BMP6: variants seen among roughly 807,000 people sequenced by gnomAD.
BMP6 encodes VG-1-R.
Under a neutral mutation model 54.1 loss-of-function variants are expected in BMP6, and 17 were observed. The observed-to-expected ratio is 0.31, with a 90% CI of 0.22 to 0.47. The LOEUF (loss-of-function observed/expected upper bound fraction) is 0.47. Among genes scored for constraint, BMP6 ranks in the 20% least tolerant of loss-of-function variants. BMP6 has a pLI of 1.00. For synonymous variants in BMP6, 328 were observed against 291.2 expected, an observed-to-expected ratio of 1.13 and a Z score of -1.28; for missense variants, 720 against 690.4, an observed-to-expected ratio of 1.04 and a Z score of -0.48.
At chr6:7,824,397 T>C (rs952517518) in intron 1 of BMP6, among the ~76,000 whole-genome samples, 1 of 152,202 alleles carries the variant, frequency 6.6e-6, no homozygotes, top group African/African-American at 2.4e-5. Context: ...AAGAAGGGAC[T>C]CTGTCTCTGT....
chr6:7,749,534 T>G (rs1299296225), intron 1 of BMP6, among the ~76,000 whole-genome samples: 1 of 152,220 alleles, frequency 6.6e-6, no homozygotes, highest in Non-Finnish European at 1.5e-5. Context: ...TAATAAATGG[T>G]CAAAGGAACT....
At position 7,862,502 on chromosome 6, in the gene BMP6, G is replaced by T. The variant is rs931501097; in HGVS notation, c.1204+4G>T. ...GCGCGGGTCTCCAGTGCTTCAGGTG[G>T]GTTTGTGGGGAGCCTGTGTTTCCAG... On this transcript the variant is annotated splice_donor_region_variant and intron_variant, in intron 4 of 6. Coordinates refer to ENST00000283147, the MANE Select transcript of BMP6 (RefSeq NM_001718.6). The T allele has an allele frequency of 6.2e-7, 1 of 1,613,516 alleles. No homozygotes were observed. The highest frequency in any genetic ancestry group is 1.3e-5 in the African/African-American group (1 of 74,922).
At chr6:7,856,524 A>T (rs4960365) in intron 2 of BMP6, among the ~76,000 whole-genome samples, 1 of 151,708 alleles carries the variant, frequency 6.6e-6, no homozygotes, top group Admixed American at 6.6e-5. Flanking sequence ...GAACAAGACC[A>T]CAGAATCACC....
chr6:7,742,278 G>C (rs1757278002), intron 1 of BMP6, among the ~76,000 whole-genome samples: 1 of 152,196 alleles, frequency 6.6e-6, no homozygotes, highest in Admixed American at 6.5e-5. Flanking sequence ...TAATAAGTAT[G>C]AATACAAGTC....
At chr6:7,761,351 T>A (rs1445629154) in intron 1 of BMP6, among the ~76,000 whole-genome samples, 1 of 152,226 alleles carries the variant, frequency 6.6e-6, no homozygotes, top group Non-Finnish European at 1.5e-5. Flanking sequence ...CAGTAGAGTG[T>A]TCCAGCAGAA....
chr6:7,733,530 T>C (rs1486017702), intron 1 of BMP6, among the ~76,000 whole-genome samples: 1 of 152,002 alleles, frequency 6.6e-6, no homozygotes, highest in Non-Finnish European at 1.5e-5. Flanking sequence ...GGCCACAGCA[T>C]AACCCAGCCA....
At chr6:7,869,104 G>A (rs534057680) in intron 4 of BMP6, among the ~76,000 whole-genome samples, 234 of 152,292 alleles carry the variant, frequency 1.5e-3, no homozygotes, top group Non-Finnish European at 2.8e-3. Flanking sequence ...TTGCTGCAGC[G>A]CCCTAGCCCC....
intron 1 of BMP6, among the ~76,000 whole-genome samples, chr6:7,800,970 A>G (rs905677946): frequency 3.3e-5 from 5 of 151,848 alleles, no homozygotes; most frequent in African/African-American, 1.2e-4. Context: ...CAGTGCCACC[A>G]TGTGTACTTC....
At chr6:7,831,617 T>C (rs1184259075) in intron 1 of BMP6, among the ~76,000 whole-genome samples, 1 of 152,238 alleles carries the variant, frequency 6.6e-6, no homozygotes, top group African/African-American at 2.4e-5. Context: ...AGTAGATTAA[T>C]TTCCTTCCTT....
Position 7,845,202 on chromosome 6 carries a change from T to A in BMP6, c.727T>A (p.Ser243Thr). The part of the protein sequence containing the change: ...RHHKEFKFNL[S>T]QIPEGEVVTA... ...CCACAAAGAGTTCAAGTTCAACTTATCCCAGATTCCTGAGGGTGAGGTGGT... is the reference window on the plus strand; with the variant it reads ...CCACAAAGAGTTCAAGTTCAACTTAACCCAGATTCCTGAGGGTGAGGTGGT... The change falls in exon 2 of 7, where the codon TCC becomes ACC. Residue 243 changes from serine to threonine, a missense_variant. This residue lies in a region of BMP6 where 650 missense variants were observed against 556.3 expected (regional missense o/e 1.17). Coordinates refer to ENST00000283147, the MANE Select transcript of BMP6 (RefSeq NM_001718.6). 6.2e-7 allele frequency: 1 copy of A among 1,614,206 alleles called. No individual in the cohort carries two copies. The highest frequency in any genetic ancestry group is 1.3e-5 in the African/African-American group (1 of 75,072).
intron 2 of BMP6, among the ~76,000 whole-genome samples, chr6:7,852,218 A>T (rs1759153665): frequency 1.3e-5 from 2 of 152,196 alleles, no homozygotes; most frequent in African/African-American, 4.8e-5. Context: ...GGGTTTAAGG[A>T]TGTATTAAGG....
chr6:7,775,641 T>C (rs1266990784), intron 1 of BMP6, among the ~76,000 whole-genome samples: 1 of 152,246 alleles, frequency 6.6e-6, no homozygotes, highest in Non-Finnish European at 1.5e-5. Flanking sequence ...ACCGGGTTCA[T>C]GTCCCCAGTT....
At chr6:7,837,881 T>C (rs573996698) in intron 1 of BMP6, among the ~76,000 whole-genome samples, 3 of 152,088 alleles carry the variant, frequency 2.0e-5, no homozygotes, top group African/African-American at 7.2e-5. Context: ...TAAAAAGAAA[T>C]AGGTTCAATA....
In BMP6 at chr6:7,880,583, C is replaced by G. The variant is rs1480637289; in HGVS notation, c.*240C>G. Reference sequence around the variant, plus strand: ...AGTTTGGATGTCTGTAGCATAAGGTCTGGTAACTGCAGAAACATAACCGTG... The same window carrying G: ...AGTTTGGATGTCTGTAGCATAAGGTGTGGTAACTGCAGAAACATAACCGTG... On this transcript the variant is annotated 3_prime_UTR_variant, in exon 7 of 7. Coordinates refer to ENST00000283147, the MANE Select transcript of BMP6 (RefSeq NM_001718.6). 1 of 552,716 alleles carries G rather than the reference C, an allele frequency of 1.8e-6. No homozygotes were observed. The highest frequency in any genetic ancestry group is 1.9e-5 in the African/African-American group (1 of 53,128). 34.2% of individuals were successfully genotyped at this position (552,716 alleles called of 1,614,324 possible).
chr6:7,861,215 T>G (rs1320389450), intron 2 of BMP6, among the ~76,000 whole-genome samples: 3 of 151,974 alleles, frequency 2.0e-5, no homozygotes, highest in African/African-American at 7.3e-5. Flanking sequence ...CGTGTCGGGG[T>G]GAAAGCTGAT....
At position 7,748,675 on chromosome 6, in the gene BMP6, G is replaced by T. The variant is rs114698068; in HGVS notation, c.664+21056G>T. Among the ~76,000 whole-genome samples, 1,515 of 152,282 alleles carry T rather than the reference G, an allele frequency of 9.9e-3. 21 individuals carry two copies. The highest frequency in any genetic ancestry group is 0.035 in the African/African-American group (1,445 of 41,562). ...TTCCTACAGTCAGCTTCTGACTGGG[G>T]CGGAGATGTTTCCCATTATTAAGCT... On this transcript the variant is annotated intron_variant, in intron 1 of 6. Coordinates refer to ENST00000283147, the MANE Select transcript of BMP6 (RefSeq NM_001718.6).
chr6:7,822,998 C>T (rs1217493114), intron 1 of BMP6, among the ~76,000 whole-genome samples: 3 of 150,386 alleles, frequency 2.0e-5, no homozygotes, highest in East Asian at 2.0e-4. Flanking sequence ...CCGAAGTTTC[C>T]GAATATAGAA....
chr6:7,879,474 A>C (rs1303932288), intron 5 of BMP6, among the ~76,000 whole-genome samples: 1 of 152,178 alleles, frequency 6.6e-6, no homozygotes, highest in Non-Finnish European at 1.5e-5. Context: ...CATTTAAACA[A>C]ATTTTAATTG....
intron 1 of BMP6, among the ~76,000 whole-genome samples, chr6:7,787,399 G>A (rs777435576): frequency 3.3e-5 from 5 of 152,200 alleles, no homozygotes; most frequent in African/African-American, 7.2e-5. Context: ...CCTTAAAGGC[G>A]TGTTTGGCCA....
Sources: allele counts gnomAD v4.1 joint callset (sites outside exome capture counted in the v4.1 genomes callset), GRCh38; gene constraint gnomAD v4.1.1; regional missense constraint gnomAD v4.1.1; transcripts MANE v1.5; gene names NCBI Gene and HGNC (gene_info 2026-07-23, HGNC 2026-07-21).